Variants in GRSF1 observed in about 807,000 individuals in gnomAD.
GRSF1 encodes G-rich sequence factor 1.
A neutral mutation model predicts 51.1 loss-of-function variants in GRSF1; 50 were observed. The ratio of observed to expected loss-of-function variants is 0.98; its 90% CI spans 0.78 to 1.24. The LOEUF is 1.24. Ranked by LOEUF, GRSF1 falls within the 50% of genes most tolerant of loss-of-function variation. The pLI, the probability that GRSF1 is intolerant of heterozygous loss-of-function variation, is 0.00. For synonymous variants in GRSF1, 293 were observed against 253.3 expected (o/e 1.16, Z -1.49); for missense variants, 700 against 639.7 (o/e 1.09, Z -1.02).
At position 70,832,418 on chromosome 4, in the gene GRSF1, A is replaced by G. The variant is rs769452985; in HGVS notation, c.703T>C (p.Leu235=). 1 of 1,610,124 alleles carries G rather than the reference A, an allele frequency of 6.2e-7. No homozygotes were observed. The highest frequency in any genetic ancestry group is 8.5e-7 in the Non-Finnish European group (1 of 1,176,364). ...GATTTGACCTGCAAGCTCTTCATTA[A>G]GGCATCCACATCTTCATTGTTTATC... ...YEINNEDVDA[L]MKSLQVKSSP... is the part of the protein sequence containing the mutation. The change falls in exon 4 of 10, where the codon TTA becomes CTA. Residue 235 remains leucine, a synonymous_variant. Transcript: ENST00000254799.
rs1397497180 is a variant in GRSF1, at chr4:70,819,466, G to A, written c.*1421C>T. ...CCTTACTACTTATATTAATATAGCA[G>A]GACTTGAGGTAATAATATATTCAGT... On this transcript the variant is annotated 3_prime_UTR_variant, in exon 10 of 10. Coordinates refer to ENST00000254799, the MANE Select transcript of GRSF1 (RefSeq NM_002092.4). The A allele has an allele frequency of 6.6e-6, 1 of 152,180 alleles. No individual in the cohort carries two copies. Among genetic ancestry groups the A allele is most frequent in the East Asian group, 1.9e-4 (1 of 5,180 alleles). The allele number at this position is 152,180 out of a possible 1,614,324, so 9.4% of individuals were successfully genotyped here.
At position 70,818,894 on chromosome 4, in the gene GRSF1, T is replaced by C. The variant is rs73827020; in HGVS notation, c.*1993A>G. On this transcript the variant is annotated 3_prime_UTR_variant, in exon 10 of 10. Transcript: ENST00000254799. Reference sequence around the variant, plus strand: ...TCAAATGTGGGGAGACGGTACCGTCTTCCACTTGCATGGAAATAAGATTAC... The same window carrying C: ...TCAAATGTGGGGAGACGGTACCGTCCTCCACTTGCATGGAAATAAGATTAC... 27 of 152,320 alleles carry C rather than the reference T, an allele frequency of 1.8e-4. No individual in the cohort carries two copies. The highest frequency in any genetic ancestry group is 6.5e-4 in the African/African-American group (27 of 41,576). The allele number at this position is 152,320 out of a possible 1,614,324, so 9.4% of individuals were successfully genotyped here.
At chr4:70,827,080 T>G (rs769752827) in intron 6 of GRSF1, among the ~76,000 whole-genome samples, 1 of 151,856 alleles carries the variant, frequency 6.6e-6, no homozygotes, top group Admixed American at 6.6e-5. Context: ...CTGAGGTCAG[T>G]AGTTCAACGC....
chr4:70,837,797 G>A (rs1487039346), intron 1 of GRSF1, among the ~76,000 whole-genome samples: 23 of 149,310 alleles, frequency 1.5e-4, no homozygotes, highest in Non-Finnish European at 2.8e-4. Flanking sequence ...CACCCCGCCC[G>A]GCTAATTTTT....
chr4:70,835,802 A>T (rs1734183918), intron 2 of GRSF1, among the ~76,000 whole-genome samples: 1 of 152,192 alleles, frequency 6.6e-6, no homozygotes, highest in South Asian at 2.1e-4. Context: ...ATACATATGT[A>T]AATTGAGACA....
At chr4:70,831,809 A>C in intron 4 of GRSF1, 135 bp from the exon 5 acceptor site, 1 of 663,150 alleles carries the variant, frequency 1.5e-6, no homozygotes. Context: ...ACAGGAAGAA[A>C]ATTATTATGC....
Position 70,827,550 on chromosome 4 carries a change from T to A in GRSF1, c.1135+302A>T. Among the ~76,000 whole-genome samples the A allele has an allele frequency of 1.3e-5, 2 of 152,060 alleles. 1 individual carries two copies. The highest frequency in any genetic ancestry group is 3.9e-4 in the East Asian group (2 of 5,170). On this transcript the variant is annotated intron_variant, in intron 6 of 9. Transcript: ENST00000254799. ...CTGTAATCCCAGCACTTTAGGAGGC[T>A]GCGGCTCACTTGAGGTCAAGAGTTC...
At chr4:70,825,211 A>G (rs1733686721) in intron 8 of GRSF1, 85 bp downstream of exon 8, 4 of 1,128,600 alleles carry the variant, frequency 3.5e-6, no homozygotes, top group African/African-American at 3.1e-5. Flanking sequence ...TCAAGGAAAA[A>G]TTCTACAATC....
rs556134474 is a variant in GRSF1 at position 70,838,005 on chromosome 4, G to A, written c.357+1466C>T. Among the ~76,000 whole-genome samples, 4 of 151,816 alleles carry A rather than the reference G, an allele frequency of 2.6e-5. No individual in the cohort carries two copies. In the South Asian group the frequency reaches 8.3e-4, roughly 32 times the overall value. On this transcript the variant is annotated intron_variant, in intron 1 of 9. Transcript: ENST00000254799. Reference sequence around the variant, plus strand: ...CCAGCACTTTGGGAGGCAGAGGCGGGCGGATCACGAGGTCAGGAGATCGAG... The same window carrying A: ...CCAGCACTTTGGGAGGCAGAGGCGGACGGATCACGAGGTCAGGAGATCGAG...
At chr4:70,822,343 G>C (rs1733550137) in intron 9 of GRSF1, among the ~76,000 whole-genome samples, 1 of 152,148 alleles carries the variant, frequency 6.6e-6, no homozygotes. Flanking sequence ...AGCACTTTGG[G>C]AGGCTGAGGC....
Position 70,836,286 on chromosome 4 carries a change from A to G in GRSF1, c.386T>C (p.Leu129Pro). Reference sequence around the variant, plus strand: ...CAATTCATACTCAGGGGGTGGTGGAAGGTCTTCCAGGTAAGTAGTTTTGGA... The same window carrying G: ...CAATTCATACTCAGGGGGTGGTGGAGGGTCTTCCAGGTAAGTAGTTTTGGA... The part of the protein sequence containing the change: ...QESKTTYLED[L>P]PPPPEYELAP... The change falls in exon 2 of 10, where the codon CTT (leucine) becomes CCT (proline). Residue 129 changes from leucine to proline, a missense_variant. Leu to Pro is a moderately conservative substitution (Grantham distance 98). Transcript: ENST00000254799. 6.3e-7 allele frequency: 1 copy of G among 1,590,968 alleles called. No homozygotes were observed. Among genetic ancestry groups the G allele is most frequent in the African/African-American group, 1.4e-5 (1 of 73,598 alleles).
At chr4:70,841,876 A>C (rs115369798), upstream of GRSF1, among the ~76,000 whole-genome samples, 307 of 152,350 alleles carry the variant, frequency 2.0e-3, 1 homozygote, top group African/African-American at 7.1e-3. Context: ...ATTTTTATAC[A>C]AAAACAGGGA....
intron 1 of GRSF1, among the ~76,000 whole-genome samples, chr4:70,837,518 C>T (rs1397672271): frequency 7.6e-6 from 1 of 131,866 alleles, no homozygotes; most frequent in Non-Finnish European, 1.5e-5. Flanking sequence ...GAGCTGAGAT[C>T]TCGGCATTTC....
chr4:70,825,166 G>A (rs1037664906), intron 8 of GRSF1, 130 bp downstream of exon 8: 8 of 603,322 alleles, frequency 1.3e-5, no homozygotes, highest in African/African-American at 7.3e-5. Context: ...TATCTGTTAC[G>A]TTTAATTTAC....
chr4:70,821,406 C>T (rs1034065762), intron 9 of GRSF1, among the ~76,000 whole-genome samples: 3 of 148,592 alleles, frequency 2.0e-5, no homozygotes, highest in Non-Finnish European at 4.5e-5. Context: ...ACCTGGGCAA[C>T]GAGAGAAACT....
Position 70,820,538 on chromosome 4 carries a change from G to C in GRSF1, c.*349C>G, listed in dbSNP as rs1021688665. On this transcript the variant is annotated 3_prime_UTR_variant, in exon 10 of 10. Transcript: ENST00000254799. Reference sequence around the variant, plus strand: ...TACTTTTTAAATGAAACCGTTTAAAGAACACTGCTGAATAAAAATATGTGG... The same window carrying C: ...TACTTTTTAAATGAAACCGTTTAAACAACACTGCTGAATAAAAATATGTGG... 2 of 152,060 alleles carry C rather than the reference G, an allele frequency of 1.3e-5. No individual in the cohort carries two copies. The highest frequency in any genetic ancestry group is 3.4e-3 in the Middle Eastern group (1 of 292). 9.4% of individuals were successfully genotyped at this position (152,060 alleles called of 1,614,324 possible). A position where few individuals can be genotyped will look rare whatever the true frequency, so the allele number is the denominator to read the frequency against.
Position 70,831,617 on chromosome 4 carries a change from C to G in GRSF1, c.872G>C (p.Gly291Ala). 6.2e-7 allele frequency: 1 copy of G among 1,613,502 alleles called. No homozygotes were observed. The highest frequency in any genetic ancestry group is 8.5e-7 in the Non-Finnish European group (1 of 1,179,518). The change falls in exon 5 of 10, where the codon GGG (glycine) becomes GCG (alanine). Residue 291 changes from glycine (G) to alanine (A), a missense_variant. By Grantham distance (60) the Gly-to-Ala change is moderately conservative. Coordinates refer to ENST00000254799, the MANE Select transcript of GRSF1 (RefSeq NM_002092.4). ...TTCTTCAAATTGCACATAGGCTTCC[C>G]CTGTTTTTCGCCTCCCTCTATAGTC... ...VMDYRGRRKT[G>A]EAYVQFEEPE...
At chr4:70,839,146 G>A (rs955799097) in intron 1 of GRSF1, 1 of 1,325,140 alleles carries the variant, frequency 7.5e-7, no homozygotes, top group Non-Finnish European at 9.9e-7. Context: ...AAGATGCGAG[G>A]TGGGGGCGTC....
intron 1 of GRSF1, among the ~76,000 whole-genome samples, chr4:70,837,380 T>C (rs1560603313): frequency 6.6e-6 from 1 of 151,748 alleles, no homozygotes; most frequent in Non-Finnish European, 1.5e-5. Context: ...CTGGCCAACA[T>C]GGCAAAACCC....
Sources: allele counts gnomAD v4.1 joint callset (sites outside exome capture counted in the v4.1 genomes callset), GRCh38; gene constraint gnomAD v4.1.1; transcripts MANE v1.5; gene names NCBI Gene and HGNC (gene_info 2026-07-23, HGNC 2026-07-21).